AKAP7: variants seen among roughly 807,000 people sequenced by gnomAD.
AKAP7 encodes the protein A kinase (PRKA) anchor protein 7.
Under a neutral mutation model 39.5 loss-of-function variants are expected in AKAP7, and 39 were observed. That is an observed-to-expected ratio of 0.99 (90% CI 0.76 to 1.29). The LOEUF (loss-of-function observed/expected upper bound fraction) is 1.29, where lower values mean the gene tolerates loss of function less well. Ranked by LOEUF, AKAP7 falls within the 50% of genes most tolerant of loss-of-function variation. The pLI, the probability that AKAP7 is intolerant of heterozygous loss-of-function variation, is 0.00. For synonymous variants in AKAP7, 140 were observed against 139.1 expected (o/e 1.01, Z -0.05); for missense variants, 414 against 407.7 (o/e 1.02, Z -0.13).
intron 7 of AKAP7, among the ~76,000 whole-genome samples, chr6:131,233,325 C>G (rs1275640766): frequency 6.6e-6 from 1 of 152,070 alleles, no homozygotes; most frequent in South Asian, 2.1e-4. Flanking sequence ...TCAGGCAGAC[C>G]TTATTCTAAT....
In AKAP7 at chr6:131,282,236, T is replaced by A; in HGVS notation, c.*510T>A. On this transcript the variant is annotated 3_prime_UTR_variant, in exon 8 of 8. Transcript: ENST00000431975. ...GTGCTGTTGCTATGCAGTGTGATCT[T>A]TATTTATAGTAAATTATGTTTCATG... 7.4e-7 allele frequency: 1 copy of A among 1,346,372 alleles called. No homozygotes were observed. The highest frequency in any genetic ancestry group is 1.5e-5 in the African/African-American group (1 of 67,954). 83.4% of individuals were successfully genotyped at this position (1,346,372 alleles called of 1,614,324 possible).
At chr6:131,128,683 G>A in the AKAP7 span, among the ~76,000 whole-genome samples, 10 of 151,966 alleles carry the variant, frequency 6.6e-5, no homozygotes, top group East Asian at 1.9e-4. Context: ...TTAGCCAGGC[G>A]TGGTGGCGTG....
At chr6:131,280,811 G>T (rs1325051198) in intron 7 of AKAP7, among the ~76,000 whole-genome samples, 1 of 152,114 alleles carries the variant, frequency 6.6e-6, no homozygotes, top group African/African-American at 2.4e-5. Flanking sequence ...AGCTCTTTTA[G>T]AATAAAATGA....
chr6:131,143,293 C>T (rs1458218984), intron 1 of AKAP7, among the ~76,000 whole-genome samples: 2 of 152,080 alleles, frequency 1.3e-5, no homozygotes, highest in Non-Finnish European at 1.5e-5. Context: ...GGAGATAGGG[C>T]TTGGTGGGAG....
intron 7 of AKAP7, among the ~76,000 whole-genome samples, chr6:131,240,161 C>T (rs1258001750): frequency 6.6e-6 from 1 of 152,200 alleles, no homozygotes; most frequent in African/African-American, 2.4e-5. Flanking sequence ...TTGGAGTTTG[C>T]TGGAGGTCCA....
chr6:131,231,751 A>G (rs776590740), intron 7 of AKAP7, among the ~76,000 whole-genome samples: 2 of 152,186 alleles, frequency 1.3e-5, no homozygotes, highest in African/African-American at 2.4e-5. Flanking sequence ...AGGTCACCCT[A>G]CCTAAGAAAG....
At chr6:131,263,417 T>G (rs1180993015) in intron 7 of AKAP7, among the ~76,000 whole-genome samples, 1 of 152,186 alleles carries the variant, frequency 6.6e-6, no homozygotes, top group African/African-American at 2.4e-5. Flanking sequence ...GAGAATGAGT[T>G]TCCCTCTCCT....
At chr6:131,262,919 A>G (rs1036410379) in intron 7 of AKAP7, among the ~76,000 whole-genome samples, 9 of 152,238 alleles carry the variant, frequency 5.9e-5, no homozygotes, top group African/African-American at 2.2e-4. Context: ...GCAGCCAGGT[A>G]GAGATTAGCA....
intron 5 of AKAP7, among the ~76,000 whole-genome samples, chr6:131,178,690 C>T (rs1804812172): frequency 6.6e-6 from 1 of 152,170 alleles, no homozygotes; most frequent in South Asian, 2.1e-4. Flanking sequence ...TAGACAAGGC[C>T]TCAAGGTATG....
At chr6:131,136,275 C>T (rs1276219629) in intron 1 of AKAP7, among the ~76,000 whole-genome samples, 1 of 152,132 alleles carries the variant, frequency 6.6e-6, no homozygotes, top group South Asian at 2.1e-4. Context: ...TACACTAGCG[C>T]CCGGAATGAA....
At chr6:131,234,995 T>G (rs1314915921) in intron 7 of AKAP7, among the ~76,000 whole-genome samples, 2 of 152,162 alleles carry the variant, frequency 1.3e-5, no homozygotes, top group Non-Finnish European at 2.9e-5. Context: ...AATGCTGGTG[T>G]GCTGCACCCA....
At chr6:131,194,025 T>C (rs574653406) in intron 5 of AKAP7, among the ~76,000 whole-genome samples, 42 of 152,182 alleles carry the variant, frequency 2.8e-4, no homozygotes, top group Non-Finnish European at 5.4e-4. Context: ...TTTTGTATTT[T>C]GTTTCAGTTT....
At chr6:131,192,270 G>A (rs1806484559) in intron 5 of AKAP7, among the ~76,000 whole-genome samples, 1 of 152,126 alleles carries the variant, frequency 6.6e-6, no homozygotes, top group Non-Finnish European at 1.5e-5. Flanking sequence ...TTTGTATGTG[G>A]TGAGAGATAG....
chr6:131,242,017 C>G (rs755145580), intron 7 of AKAP7: 3 of 957,960 alleles, frequency 3.1e-6, no homozygotes, highest in Non-Finnish European at 3.7e-6. Context: ...AGTTTAAATT[C>G]TGTCTTTTTT....
At position 131,200,330 on chromosome 6, in the gene AKAP7, A is replaced by C. The variant is rs190732322; in HGVS notation, c.702+757A>C. On this transcript the variant is annotated intron_variant, in intron 6 of 7. Coordinates refer to ENST00000431975, the MANE Select transcript of AKAP7 (RefSeq NM_016377.4). ...TTCATTTTGTTTCCTATTTCAGCCTAGGGGGTTCCTCATGCAAATTCAGAC... is the reference window on the plus strand; with the variant it reads ...TTCATTTTGTTTCCTATTTCAGCCTCGGGGGTTCCTCATGCAAATTCAGAC... Among the ~76,000 whole-genome samples the C allele has an allele frequency of 2.1e-3, 317 of 152,196 alleles. 2 individuals are homozygous for C. The highest frequency in any genetic ancestry group is 0.017 in the Admixed American group (264 of 15,270).
intron 3 of AKAP7, among the ~76,000 whole-genome samples, chr6:131,162,864 G>A (rs964928267): frequency 2.0e-5 from 3 of 152,112 alleles, no homozygotes; most frequent in African/African-American, 7.2e-5. Context: ...TCAGCTAAAG[G>A]CTTTCACAGC....
intron 7 of AKAP7, among the ~76,000 whole-genome samples, chr6:131,228,729 T>A (rs114000541): frequency 1.2e-4 from 18 of 152,156 alleles, no homozygotes; most frequent in African/African-American, 4.3e-4. Flanking sequence ...TTAGATACTT[T>A]TAGGGGGTCA....
At chr6:131,182,007 T>C (rs1476869252) in intron 5 of AKAP7, among the ~76,000 whole-genome samples, 1 of 151,936 alleles carries the variant, frequency 6.6e-6, no homozygotes, top group Non-Finnish European at 1.5e-5. Flanking sequence ...GTACCTGTGA[T>C]CTCACCTGCT....
intron 2 of AKAP7, among the ~76,000 whole-genome samples, chr6:131,151,629 C>G (rs2128231361): frequency 6.6e-6 from 1 of 151,912 alleles, no homozygotes; most frequent in East Asian, 1.9e-4. Flanking sequence ...GCCTGTAATC[C>G]CAGCTACTCA....
Sources: gnomAD v4.1 joint callset for allele counts (sites outside exome capture counted in the v4.1 genomes callset) on GRCh38, gnomAD v4.1.1 for gene constraint, MANE v1.5 for transcripts, NCBI Gene and HGNC (gene_info 2026-07-23, HGNC 2026-07-21) for gene names.